Variants in RIPK2 observed in about 807,000 individuals in gnomAD.
The protein encoded by RIPK2 is receptor interacting serine/threonine kinase 2.
Under a neutral mutation model 60.9 loss-of-function variants are expected in RIPK2, and 38 were observed. The ratio of observed to expected loss-of-function variants is 0.62; its 90% CI spans 0.48 to 0.82. The LOEUF (loss-of-function observed/expected upper bound fraction) is 0.82. Among genes scored for constraint, RIPK2 ranks in the 40% least tolerant of loss-of-function variants. The probability of loss-of-function intolerance (pLI) is 0.00; values close to 1 mark genes in which losing one functional copy is unlikely to be tolerated. For synonymous variants in RIPK2, 225 were observed against 223.4 expected (o/e 1.01, Z -0.06); for missense variants, 518 against 647.0 (o/e 0.80, Z 2.16).
At chr8:89,765,522 G>A in intron 3 of RIPK2, 26 bp downstream of exon 3, 1 of 1,450,936 alleles carries the variant, frequency 6.9e-7, no homozygotes, top group Non-Finnish European at 9.6e-7. Flanking sequence ...AAAAGTTTAT[G>A]TTTCCTTGTC....
intron 6 of RIPK2, among the ~76,000 whole-genome samples, chr8:89,777,540 C>G (rs1263008207): frequency 6.6e-6 from 1 of 151,688 alleles, no homozygotes; most frequent in Non-Finnish European, 1.5e-5. Context: ...CTGAAATGGC[C>G]TATAAACATA....
Position 89,762,991 on chromosome 8 carries a change from T to C in RIPK2, c.327+9T>C. On this transcript the variant is annotated intron_variant, in intron 2 of 10. Transcript: ENST00000220751. ...ATGAACTCCTACATAGGGTAAGTAT[T>C]ACACAGTTTTAGTGGCCATAATTGC... 2 of 1,400,772 alleles carry C rather than the reference T, an allele frequency of 1.4e-6. No homozygotes were observed. Among genetic ancestry groups the C allele is most frequent in the East Asian group, 2.6e-5 (1 of 38,902 alleles). The allele number at this position is 1,400,772 out of a possible 1,614,324, so 86.8% of individuals were successfully genotyped here.
In RIPK2 at chr8:89,774,480, T is replaced by C. The variant is rs1360855970; in HGVS notation, c.853+1652T>C. Among the ~76,000 whole-genome samples, 5 of 152,280 alleles carry C rather than the reference T, an allele frequency of 3.3e-5. No homozygotes were observed. In the South Asian group the frequency reaches 6.2e-4, roughly 19 times the overall value. On this transcript the variant is annotated intron_variant, in intron 6 of 10. Transcript: ENST00000220751. ...TGATGCTGCCACTTTGGAAAACGGT[T>C]TGGCAGTTTCTTAAAAATGAAAGAT...
chr8:89,773,920 G>A (rs1035926035), intron 6 of RIPK2, among the ~76,000 whole-genome samples: 4 of 152,134 alleles, frequency 2.6e-5, no homozygotes, highest in African/African-American at 9.7e-5. Flanking sequence ...AGGTACTATT[G>A]AGAAAAGAGA....
intron 1 of RIPK2, among the ~76,000 whole-genome samples, chr8:89,759,803 T>G (rs1809115423): frequency 6.6e-6 from 1 of 152,214 alleles, no homozygotes; most frequent in African/African-American, 2.4e-5. Flanking sequence ...GTAGCACTGA[T>G]GGACCCATTA....
At chr8:89,769,729 T>A (rs528588823) in intron 3 of RIPK2, 43 bp from the exon 4 acceptor site, 1 of 1,442,546 alleles carries the variant, frequency 6.9e-7, no homozygotes, top group Admixed American at 2.6e-5. Flanking sequence ...TTTGGACTTT[T>A]TAAAGAGGAA....
intron 10 of RIPK2, 105 bp from the exon 11 acceptor site, chr8:89,789,974 A>G (rs376749509): frequency 3.7e-5 from 30 of 807,582 alleles, no homozygotes; most frequent in East Asian, 2.7e-4. Flanking sequence ...TGGCACAATC[A>G]TAGGAAAATT....
intron 10 of RIPK2, 39 bp from the exon 11 acceptor site, chr8:89,790,040 C>A: frequency 6.9e-7 from 1 of 1,442,292 alleles, no homozygotes; most frequent in Non-Finnish European, 9.6e-7. Context: ...ATGTATCTGT[C>A]CTCACCTTTT....
intron 7 of RIPK2, 63 bp downstream of exon 7, chr8:89,780,223 A>C: frequency 1.2e-6 from 1 of 840,884 alleles, no homozygotes; most frequent in Non-Finnish European, 1.9e-6. Flanking sequence ...ATTCATGGAG[A>C]TTTTTAGTTA....
intron 8 of RIPK2, among the ~76,000 whole-genome samples, chr8:89,784,819 A>G (rs985963247): frequency 1.3e-5 from 2 of 152,198 alleles, no homozygotes; most frequent in African/African-American, 2.4e-5. Context: ...TGGTAGCCAG[A>G]AAGTCCAGGA....
intron 6 of RIPK2, among the ~76,000 whole-genome samples, chr8:89,778,790 G>A (rs1809444661): frequency 6.6e-6 from 1 of 152,162 alleles, no homozygotes. Flanking sequence ...ATACAAGTCT[G>A]TGAACATATG....
At position 89,772,743 on chromosome 8, in the gene RIPK2, A is replaced by C. The variant is rs1809334412; in HGVS notation, c.768A>C (p.Pro256=). 1 of 1,612,142 alleles carries C rather than the reference A, an allele frequency of 6.2e-7. No homozygotes were observed. The highest frequency in any genetic ancestry group is 8.5e-7 in the Non-Finnish European group (1 of 1,178,718). Residue 256 remains proline, a synonymous_variant, in exon 6 of 11, where the codon CCA becomes CCC. Transcript: ENST00000220751. ...CTGTTATTAATGAAGAAAGTTTGCCATATGATATACCTCACCGAGCACGTA... is the reference window on the plus strand; with the variant it reads ...CTGTTATTAATGAAGAAAGTTTGCCCTATGATATACCTCACCGAGCACGTA... ...HRPVINEESL[P]YDIPHRARMI... is the part of the protein sequence containing the mutation.
chr8:89,763,809 T>C (rs1377770969), intron 2 of RIPK2, among the ~76,000 whole-genome samples: 2 of 152,168 alleles, frequency 1.3e-5, no homozygotes, highest in Admixed American at 6.5e-5. Flanking sequence ...TTGTGACCAT[T>C]TGAAACAAGG....
chr8:89,790,472 G>T lies in RIPK2; in HGVS notation c.*56G>T, dbSNP rs1186183465. On this transcript the variant is annotated 3_prime_UTR_variant, in exon 11 of 11. Coordinates refer to ENST00000220751, the MANE Select transcript of RIPK2 (RefSeq NM_003821.6). ...ATAAAAGGATATTTATATCTCTGTT[G>T]CTTTGACTTTTTTTATATAAAATCC... 2 of 1,292,770 alleles carry T rather than the reference G, an allele frequency of 1.5e-6. No homozygotes were observed. Among genetic ancestry groups the T allele is most frequent in the African/African-American group, 1.5e-5 (1 of 66,712 alleles). 80.1% of individuals were successfully genotyped at this position (1,292,770 alleles called of 1,614,324 possible).
At chr8:89,760,360 A>G (rs1050383967) in intron 1 of RIPK2, among the ~76,000 whole-genome samples, 84 of 152,200 alleles carry the variant, frequency 5.5e-4, no homozygotes, top group African/African-American at 1.7e-3. Context: ...AATGAGTCCA[A>G]TTGGTTGTTC....
chr8:89,759,293 A>G (rs922856475), intron 1 of RIPK2: 6 of 456,180 alleles, frequency 1.3e-5, no homozygotes, highest in African/African-American at 1.0e-4. Flanking sequence ...TCAATGGGTC[A>G]CTAGTCTTGT....
At chr8:89,769,663 A>G in intron 3 of RIPK2, 109 bp from the exon 4 acceptor site, 1 of 684,142 alleles carries the variant, frequency 1.5e-6, no homozygotes, top group East Asian at 2.9e-5. Flanking sequence ...AAAATATATT[A>G]CATTTTCTCT....
In RIPK2 at chr8:89,790,355, C is replaced by T. The variant is rs764791036; in HGVS notation, c.1562C>T (p.Pro521Leu). 3.7e-6 allele frequency: 6 copies of T among 1,612,768 alleles called. No homozygotes were observed. In the South Asian group the frequency reaches 6.6e-5, roughly 18 times the overall value. ...DNKQMGLQPY[P>L]EILVVSRSPS... ...AAACAAATGGGTCTTCAGCCTTACC[C>T]GGAAATACTTGTGGTTTCTAGATCA... The change falls in exon 11 of 11, where the codon CCG becomes CTG. Residue 521 changes from proline (P) to leucine (L), a missense_variant. This residue lies in a region of RIPK2 where 41 missense variants were observed against 43.7 expected (regional missense o/e 0.94). Transcript: ENST00000220751.
Position 89,789,442 on chromosome 8 carries a change from T to C in RIPK2, c.1245T>C (p.Ser415=), listed in dbSNP as rs56109184. ...GTGATCACAAGACCACTCCATGCTCTTCAGCAATAATAAATCCACTCTCAA... is the reference window on the plus strand; with the variant it reads ...GTGATCACAAGACCACTCCATGCTCCTCAGCAATAATAAATCCACTCTCAA... ...AFCDHKTTPC[S]SAIINPLSTA... is the part of the protein sequence containing the mutation. The change falls in exon 10 of 11, where the codon TCT becomes TCC. Residue 415 remains serine, a synonymous_variant. Coordinates refer to ENST00000220751, the MANE Select transcript of RIPK2 (RefSeq NM_003821.6). The C allele has an allele frequency of 6.6e-4, 1,069 of 1,614,024 alleles. 1 individual carries two copies. Among genetic ancestry groups the C allele is most frequent in the Non-Finnish European group, 8.3e-4 (979 of 1,179,962 alleles).
Sources: allele counts gnomAD v4.1 joint callset (sites outside exome capture counted in the v4.1 genomes callset), GRCh38; gene constraint gnomAD v4.1.1; regional missense constraint gnomAD v4.1.1; transcripts MANE v1.5; gene names NCBI Gene and HGNC (gene_info 2026-07-23, HGNC 2026-07-21).